Variants in PDK1 observed in about 807,000 individuals in gnomAD.
PDK1 encodes pyruvate dehydrogenase kinase 1.
A neutral mutation model predicts 54.2 loss-of-function variants in PDK1; 39 were observed. That is an observed-to-expected ratio of 0.72 (90% CI 0.56 to 0.94). The LOEUF (loss-of-function observed/expected upper bound fraction) is 0.94. Among genes scored for constraint, PDK1 ranks in the 40% least tolerant of loss-of-function variants. The pLI is 0.00. For synonymous variants in PDK1, 221 were observed against 207.1 expected, an observed-to-expected ratio of 1.07 and a Z score of -0.58; for missense variants, 552 against 566.0, an observed-to-expected ratio of 0.98 and a Z score of 0.25.
chr2:172,661,720 A>T, the PDK1 span, among the ~76,000 whole-genome samples: 1 of 152,240 alleles, frequency 6.6e-6, no homozygotes, highest in East Asian at 1.9e-4. Flanking sequence ...AAACCAATAC[A>T]GCATGTAACT....
In PDK1 at chr2:172,602,753, G is replaced by A. The variant is rs1411120402; in HGVS notation, c.*6784G>A. ...ACATTAGACTTATAAAAGGGCCTAG[G>A]GTTTTTTTGTTTGGTAAACCATTGC... On this transcript the variant is annotated 3_prime_UTR_variant, in exon 11 of 11. Coordinates refer to ENST00000282077, the MANE Select transcript of PDK1 (RefSeq NM_002610.5). 6.6e-6 allele frequency: 1 copy of A among 152,114 alleles called. No homozygotes were observed. The highest frequency in any genetic ancestry group is 1.5e-5 in the Non-Finnish European group (1 of 68,006). The allele number at this position is 152,114 out of a possible 1,614,324, so 9.4% of individuals were successfully genotyped here. A position where few individuals can be genotyped will look rare whatever the true frequency, so the allele number is the denominator to read the frequency against.
the PDK1 span, among the ~76,000 whole-genome samples, chr2:172,711,865 CA>C: frequency 0.055 from 1,256 of 22,732 alleles, 4 homozygotes; most frequent in Middle Eastern, 0.083. Flanking sequence ...GAACCTAGCT[CA>C]AAAAAAAAAA....
chr2:172,721,816 A>G, the PDK1 span, among the ~76,000 whole-genome samples: 2 of 152,210 alleles, frequency 1.3e-5, no homozygotes, highest in African/African-American at 4.8e-5. Flanking sequence ...TGTGCACCCA[A>G]GTGCTATCAT....
chr2:172,633,939 G>A, the PDK1 span, among the ~76,000 whole-genome samples: 2 of 123,686 alleles, frequency 1.6e-5, no homozygotes, highest in East Asian at 2.6e-4. Flanking sequence ...GCAGTGGCAC[G>A]ATCTCGCCTC....
intron 8 of PDK1, among the ~76,000 whole-genome samples, chr2:172,572,489 C>G (rs1689336095): frequency 6.6e-6 from 1 of 152,130 alleles, no homozygotes; most frequent in Non-Finnish European, 1.5e-5. Context: ...CTTTGGGAGG[C>G]CAAGTTGGGC....
the PDK1 span, among the ~76,000 whole-genome samples, chr2:172,709,671 C>G: frequency 6.6e-6 from 1 of 152,190 alleles, no homozygotes; most frequent in Non-Finnish European, 1.5e-5. Context: ...ATTTCAGTTA[C>G]CATGGCATAC....
At chr2:172,682,236 G>C in the PDK1 span, among the ~76,000 whole-genome samples, 1 of 152,234 alleles carries the variant, frequency 6.6e-6, no homozygotes. Flanking sequence ...CAACAAGGAG[G>C]CTGTGTGGCT....
chr2:172,717,668 C>A, the PDK1 span, among the ~76,000 whole-genome samples: 1 of 152,132 alleles, frequency 6.6e-6, no homozygotes, highest in Admixed American at 6.5e-5. Flanking sequence ...CCTCACCTCC[C>A]GAATAAATTG....
At chr2:172,669,481 A>G in the PDK1 span, among the ~76,000 whole-genome samples, 1 of 152,222 alleles carries the variant, frequency 6.6e-6, no homozygotes, top group Admixed American at 6.5e-5. Context: ...TGCAATAAAC[A>G]TGGGAGTGCA....
At chr2:172,701,152 CA>C in the PDK1 span, among the ~76,000 whole-genome samples, 1 of 152,174 alleles carries the variant, frequency 6.6e-6, no homozygotes, top group Non-Finnish European at 1.5e-5. Context: ...ACAACAACAA[CA>C]AAATCGGCCA....
chr2:172,564,163 C>G (rs569294603), intron 3 of PDK1: 1 of 480,396 alleles, frequency 2.1e-6, no homozygotes, highest in African/African-American at 2.0e-5. Context: ...TGCAGAATGT[C>G]TCTGGAATAC....
intron 2 of PDK1, among the ~76,000 whole-genome samples, chr2:172,559,608 C>T (rs537801608): frequency 2.6e-5 from 4 of 152,210 alleles, no homozygotes; most frequent in East Asian, 3.9e-4. Flanking sequence ...AGTGCAATGG[C>T]ATGATCTTGG....
intron 9 of PDK1, among the ~76,000 whole-genome samples, chr2:172,587,766 T>C (rs1239157143): frequency 6.6e-6 from 1 of 152,142 alleles, no homozygotes. Context: ...AGCTGATTGG[T>C]GTGTTTTTAC....
intron 1 of PDK1, among the ~76,000 whole-genome samples, chr2:172,557,670 G>T (rs1348371214): frequency 6.7e-6 from 1 of 149,640 alleles, no homozygotes; most frequent in Admixed American, 6.6e-5. Flanking sequence ...AATAGAAATG[G>T]GGTCTCACTA....
In PDK1 at chr2:172,598,552, G is replaced by A. The variant is rs1481349738; in HGVS notation, c.*2583G>A. ...ATATTGAAGGACAGGAAGTGGACAC[G>A]AAGTGATTTTTGTAACCTGAGCAGT... On this transcript the variant is annotated 3_prime_UTR_variant, in exon 11 of 11. Coordinates refer to ENST00000282077, the MANE Select transcript of PDK1 (RefSeq NM_002610.5). The A allele has an allele frequency of 1.3e-5, 2 of 152,190 alleles. No individual in the cohort carries two copies. Among genetic ancestry groups the A allele is most frequent in the Non-Finnish European group, 2.9e-5 (2 of 68,034 alleles). 9.4% of individuals were successfully genotyped at this position (152,190 alleles called of 1,614,324 possible). A position where few individuals can be genotyped will look rare whatever the true frequency, so the allele number is the denominator to read the frequency against.
chr2:172,650,263 C>A, the PDK1 span, among the ~76,000 whole-genome samples: 73 of 152,254 alleles, frequency 4.8e-4, 1 homozygote, highest in Admixed American at 3.1e-3. Context: ...AAATAAAATC[C>A]TTTACAGACA....
the PDK1 span, among the ~76,000 whole-genome samples, chr2:172,661,380 T>G: frequency 2.6e-5 from 4 of 152,212 alleles, no homozygotes; most frequent in Admixed American, 2.0e-4. Flanking sequence ...CATCAATTCT[T>G]AATTGTCTTA....
chr2:172,714,182 A>T, the PDK1 span, among the ~76,000 whole-genome samples: 30 of 152,192 alleles, frequency 2.0e-4, no homozygotes, highest in Non-Finnish European at 3.5e-4. Context: ...TAACATCTGA[A>T]ATTTTTCTCA....
chr2:172,634,262 A>ATATTATTATTATTATTATTATTAT, the PDK1 span, among the ~76,000 whole-genome samples: 51,883 of 139,114 alleles, frequency 0.37, 10,106 homozygotes, highest in East Asian at 0.48. Flanking sequence ...AAATCTATTT[A>ATATTATTATTATTATTATTATTAT]TATTATTATT....
Sources: allele counts gnomAD v4.1 joint callset (sites outside exome capture counted in the v4.1 genomes callset), GRCh38; gene constraint gnomAD v4.1.1; transcripts MANE v1.5; gene names NCBI Gene and HGNC (gene_info 2026-07-23, HGNC 2026-07-21).